The following TICRR variants were observed in gnomAD, a reference collection of about 807,000 sequenced individuals.
TICRR encodes the protein treslin.
A neutral mutation model predicts 178.1 loss-of-function variants in TICRR; 132 were observed. That is an observed-to-expected ratio of 0.74 (90% confidence interval 0.64 to 0.86). The LOEUF (loss-of-function observed/expected upper bound fraction) is 0.86, where lower values mean the gene tolerates loss of function less well. Ranked by LOEUF, TICRR falls within the 40% of genes least tolerant of loss-of-function variation. The probability of loss-of-function intolerance (pLI) is 0.00; values close to 1 mark genes in which losing one functional copy is unlikely to be tolerated. For missense variants in TICRR, 2,587 were observed against 2,334.3 expected (o/e 1.11, Z -2.23); for synonymous variants, 991 against 900.7 (o/e 1.10, Z -1.79).
At chr15:89,619,647 C>T in intron 17 of TICRR, 61 bp from the exon 18 acceptor site, 3 of 1,548,696 alleles carry the variant, frequency 1.9e-6, no homozygotes, top group Non-Finnish European at 2.6e-6. Flanking sequence ...TTTTGGACAA[C>T]ATGAGAAAAT....
chr15:89,596,307 T>G (rs1421968258), intron 7 of TICRR, among the ~76,000 whole-genome samples: 3 of 152,158 alleles, frequency 2.0e-5, no homozygotes, highest in South Asian at 2.1e-4. Context: ...CTTTAATTGC[T>G]CAATCTTGCT....
In TICRR at chr15:89,625,015, G is replaced by C. The variant is rs755473452; in HGVS notation, c.4705G>C (p.Gly1569Arg). ...GGTTGAGCTGGAGATGCAAGCTTCT[G>C]GCCTTCCCAAACTTCGAATTAAGAA... The part of the protein sequence containing the change: ...YEVELEMQAS[G>R]LPKLRIKKID... The change falls in exon 20 of 22, where the codon GGC becomes CGC. Residue 1569 changes from glycine (G) to arginine (R), a missense_variant. Gly to Arg is a moderately radical substitution (Grantham distance 125). Coordinates refer to ENST00000268138, the MANE Select transcript of TICRR (RefSeq NM_152259.4). 1 of 1,613,930 alleles carries C rather than the reference G, an allele frequency of 6.2e-7. No individual in the cohort carries two copies. The highest frequency in any genetic ancestry group is 1.3e-5 in the African/African-American group (1 of 74,900).
Position 89,624,831 on chromosome 15 carries a change from C to A in TICRR, c.4521C>A (p.Pro1507=), listed in dbSNP as rs777741499. ...CTTCTCTGTCTCACCCTGGGATTCCCCCATCTCCTCCTTCCTGTGGGCCTG... is the reference window on the plus strand; with the variant it reads ...CTTCTCTGTCTCACCCTGGGATTCCACCATCTCCTCCTTCCTGTGGGCCTG... The part of the protein sequence containing the change: ...EKSSLSHPGI[P]PSPPSCGPGS... Residue 1507 remains proline (P), a synonymous_variant, in exon 20 of 22, where the codon CCC becomes CCA. Transcript: ENST00000268138. 1.9e-6 allele frequency: 3 copies of A among 1,614,028 alleles called. No homozygotes were observed. The highest frequency in any genetic ancestry group is 2.5e-6 in the Non-Finnish European group (3 of 1,180,034).
chr15:89,596,621 A>G (rs541060282), intron 7 of TICRR, among the ~76,000 whole-genome samples: 1 of 152,310 alleles, frequency 6.6e-6, no homozygotes, highest in South Asian at 2.1e-4. Context: ...TGCTGGGATT[A>G]CAAGTGTGAG....
chr15:89,585,873 C>T lies in TICRR; in HGVS notation c.1342C>T (p.Leu448Phe). 6.2e-7 allele frequency: 1 copy of T among 1,614,150 alleles called. No homozygotes were observed. The highest frequency in any genetic ancestry group is 8.5e-7 in the Non-Finnish European group (1 of 1,180,024). ...VADSPRDTAS[L>F]FSDVVDSILN... ...TGACAGCCCCCGGGACACAGCTTCCCTTTTCTCAGATGTTGTGGATAGTAT... is the reference window on the plus strand; with the variant it reads ...TGACAGCCCCCGGGACACAGCTTCCTTTTTCTCAGATGTTGTGGATAGTAT... Residue 448 changes from leucine (L) to phenylalanine (F), a missense_variant, in exon 4 of 22, where the codon CTT becomes TTT. Coordinates refer to ENST00000268138, the MANE Select transcript of TICRR (RefSeq NM_152259.4).
chr15:89,584,058 T>C (rs939226863), intron 2 of TICRR, among the ~76,000 whole-genome samples: 2 of 152,294 alleles, frequency 1.3e-5, no homozygotes, highest in East Asian at 1.9e-4. Flanking sequence ...CCTTTGTAAC[T>C]CCATTTGTTT....
chr15:89,585,859 G>C lies in TICRR; in HGVS notation c.1328G>C (p.Arg443Pro), dbSNP rs200018187. ...VLQTAVADSP[R>P]DTASLFSDVV... ...CAAACAGCTGTGGCTGACAGCCCCCGGGACACAGCTTCCCTTTTCTCAGAT... is the reference window on the plus strand; with the variant it reads ...CAAACAGCTGTGGCTGACAGCCCCCCGGACACAGCTTCCCTTTTCTCAGAT... Residue 443 changes from arginine to proline, a missense_variant, in exon 4 of 22, where the codon CGG becomes CCG. Physicochemically the swap from Arg to Pro is moderately radical, Grantham distance 103. Transcript: ENST00000268138. 2.8e-5 allele frequency: 46 copies of C among 1,614,060 alleles called. No individual in the cohort carries two copies. Among genetic ancestry groups the C allele is most frequent in the Non-Finnish European group, 3.9e-5 (46 of 1,180,002 alleles).
chr15:89,612,879 A>G (rs1410990028), intron 15 of TICRR, among the ~76,000 whole-genome samples: 4 of 152,208 alleles, frequency 2.6e-5, no homozygotes, highest in Admixed American at 2.6e-4. Flanking sequence ...TCTTAGTTCT[A>G]TATTGTCATG....
At chr15:89,626,919 T>A (rs777633667) in intron 21 of TICRR, 37 bp from the exon 22 acceptor site, 18 of 1,604,594 alleles carry the variant, frequency 1.1e-5, no homozygotes, top group Non-Finnish European at 1.3e-5. Context: ...CGGTCCTCTG[T>A]GACTCCTGCA....
rs1387281647 is a variant in TICRR at position 89,599,339 on chromosome 15, A to G, written c.1916A>G (p.Glu639Gly). ...TTTTTCTCAGATTTTAAAACTGAGGAAGAGCTGCTATCATATATACGTGAA... is the reference window on the plus strand; with the variant it reads ...TTTTTCTCAGATTTTAAAACTGAGGGAGAGCTGCTATCATATATACGTGAA... ...SSKPKDFKTEEELLSYIRENY... is the reference protein window; with the variant it reads ...SSKPKDFKTEGELLSYIRENY... The change falls in exon 8 of 22, where the codon GAA (glutamate) becomes GGA (glycine). Residue 639 changes from glutamate to glycine, a missense_variant. Physicochemically the swap from Glu to Gly is moderately conservative, Grantham distance 98. Coordinates refer to ENST00000268138, the MANE Select transcript of TICRR (RefSeq NM_152259.4). 6.2e-7 allele frequency: 1 copy of G among 1,602,662 alleles called. No homozygotes were observed. Among genetic ancestry groups the G allele is most frequent in the African/African-American group, 1.4e-5 (1 of 74,018 alleles).
In TICRR at chr15:89,621,495, G is replaced by A. The variant is rs201761582; in HGVS notation, c.3257G>A (p.Arg1086Gln). 1,133 of 1,613,952 alleles carry A rather than the reference G, an allele frequency of 7.0e-4. 17 individuals are homozygous for A. In the South Asian group the frequency reaches 0.01, roughly 14 times the overall value. ...MISPSEKGSARMKKRSRNTLD... is the reference protein window; with the variant it reads ...MISPSEKGSAQMKKRSRNTLD... ...AGCCCCTCAGAAAAGGGTTCAGCTCGAATGAAAAAGCGTTCAAGAAACACT... is the reference window on the plus strand; with the variant it reads ...AGCCCCTCAGAAAAGGGTTCAGCTCAAATGAAAAAGCGTTCAAGAAACACT... Residue 1086 changes from arginine (R) to glutamine (Q), a missense_variant, in exon 19 of 22, where the codon CGA becomes CAA. Physicochemically the swap from Arg to Gln is conservative, Grantham distance 43 (BLOSUM62 1). Transcript: ENST00000268138.
At chr15:89,614,111 G>A (rs1447606700) in intron 15 of TICRR, among the ~76,000 whole-genome samples, 2 of 151,930 alleles carry the variant, frequency 1.3e-5, no homozygotes, top group East Asian at 1.9e-4. Flanking sequence ...CCGAGATCAC[G>A]CCACTGCACT....
chr15:89,592,604 A>G (rs1470352144), intron 5 of TICRR, among the ~76,000 whole-genome samples: 2 of 152,238 alleles, frequency 1.3e-5, no homozygotes, highest in Non-Finnish European at 2.9e-5. Context: ...GAAGTAAATA[A>G]GAAAGTAACC....
intron 21 of TICRR, 109 bp from the exon 22 acceptor site, chr15:89,626,847 G>A (rs1963536751): frequency 1.6e-6 from 2 of 1,267,508 alleles, no homozygotes; most frequent in East Asian, 2.3e-5. Context: ...AAGCAGTGCT[G>A]ATTTTCTTAA....
chr15:89,601,739 A>T lies in TICRR; in HGVS notation c.2330A>T (p.Tyr777Phe). ...TATTCGATCAATCTGTTCCACAGGTATATTGACTCTATCCCAAAGACACTT... is the reference window on the plus strand; with the variant it reads ...TATTCGATCAATCTGTTCCACAGGTTTATTGACTCTATCCCAAAGACACTT... ...AEFLEEILRL[Y>F]IDSIPKTLGN... is the part of the protein sequence containing the mutation. The change falls in exon 12 of 22, where the codon TAT becomes TTT. Residue 777 changes from tyrosine (Y) to phenylalanine (F), a missense_variant and splice_region_variant. Physicochemically the swap from Tyr to Phe is conservative, Grantham distance 22 (BLOSUM62 3). Coordinates refer to ENST00000268138, the MANE Select transcript of TICRR (RefSeq NM_152259.4). 1 of 1,614,174 alleles carries T rather than the reference A, an allele frequency of 6.2e-7. No individual in the cohort carries two copies. The highest frequency in any genetic ancestry group is 8.5e-7 in the Non-Finnish European group (1 of 1,179,996).
At chr15:89,590,196 A>G (rs1962887236) in intron 4 of TICRR, among the ~76,000 whole-genome samples, 1 of 152,144 alleles carries the variant, frequency 6.6e-6, no homozygotes, top group South Asian at 2.1e-4. Flanking sequence ...AAAGGAGAAG[A>G]ATACGGGTTG....
intron 18 of TICRR, among the ~76,000 whole-genome samples, chr15:89,620,208 T>C (rs1963401995): frequency 1.3e-5 from 2 of 152,196 alleles, no homozygotes; most frequent in Admixed American, 6.5e-5. Context: ...GATTTGTGTT[T>C]CTTATTTTAT....
At chr15:89,597,847 G>C (rs926124604) in intron 7 of TICRR, among the ~76,000 whole-genome samples, 9 of 152,174 alleles carry the variant, frequency 5.9e-5, no homozygotes, top group Non-Finnish European at 1.2e-4. Flanking sequence ...ACAGTATTGA[G>C]TCTTTCTTGC....
chr15:89,599,343 G>C lies in TICRR; in HGVS notation c.1920G>C (p.Glu640Asp), dbSNP rs1963053867. ...SKPKDFKTEE[E>D]LLSYIRENYQ... is the part of the protein sequence containing the mutation. ...TCTCAGATTTTAAAACTGAGGAAGA[G>C]CTGCTATCATATATACGTGAAAATT... is the stretch of plus-strand genomic sequence containing the variant. Residue 640 changes from glutamate to aspartate, a missense_variant, in exon 8 of 22, where the codon GAG becomes GAC. Glu to Asp is a conservative substitution (Grantham distance 45). Transcript: ENST00000268138. 2 of 1,605,254 alleles carry C rather than the reference G, an allele frequency of 1.2e-6. No individual in the cohort carries two copies. The highest frequency in any genetic ancestry group is 1.3e-5 in the African/African-American group (1 of 74,342).
Sources: allele counts gnomAD v4.1 joint callset (sites outside exome capture counted in the v4.1 genomes callset), GRCh38; gene constraint gnomAD v4.1.1; transcripts MANE v1.5; gene names NCBI Gene and HGNC (gene_info 2026-07-23, HGNC 2026-07-21).